Variants in SLC11A2 observed in about 807,000 individuals in gnomAD.
SLC11A2 encodes the protein solute carrier family 11 member 2.
SLC11A2 carries 38 observed loss-of-function variants against 68.0 expected under a neutral mutation model. The observed-to-expected ratio is 0.56, with a 90% CI of 0.43 to 0.73. The LOEUF is 0.73. SLC11A2 is among the 30% of genes least tolerant of loss of function. SLC11A2 has a pLI of 0.00. For synonymous variants in SLC11A2, 242 were observed against 250.6 expected (o/e 0.97, Z 0.32); for missense variants, 517 against 690.5 (o/e 0.75, Z 2.82).
chr12:50,968,876 G>A, the SLC11A2 span, among the ~76,000 whole-genome samples: 2 of 150,866 alleles, frequency 1.3e-5, no homozygotes, highest in East Asian at 2.0e-4. Flanking sequence ...AATGGGTCTC[G>A]CTATTTTGAC....
In SLC11A2 at chr12:51,004,868, G is replaced by C; in HGVS notation, c.349C>G (p.Leu117Val). The C allele has an allele frequency of 6.2e-7, 1 of 1,614,142 alleles. No homozygotes were observed. The highest frequency in any genetic ancestry group is 8.5e-7 in the Non-Finnish European group (1 of 1,179,970). ...ILLLATLVGL[L>V]LQRLAARLGV... The stretch of plus-strand genomic sequence containing the variant: ...AGTCTAGCTGCAAGCCGCTGGAGCA[G>C]CAGCCCCACAAGGGTGGCCAACAGA... Residue 117 changes from leucine (L) to valine (V), a missense_variant, in exon 5 of 16, where the codon CTG (leucine) becomes GTG (valine). Transcript: ENST00000262052.
In SLC11A2 at chr12:51,005,267, T is replaced by G. The variant is rs224589; in HGVS notation, c.309+44A>C. On this transcript the variant is annotated intron_variant, in intron 4 of 15. Transcript: ENST00000262052. ...CAGGGTGGAGAAAAGGATGTGAGAG[T>G]GTATTATGTGCTTAAAAGGACAGGG... is the stretch of plus-strand genomic sequence containing the variant. 0.75 allele frequency: 1,195,405 copies of G among 1,601,754 alleles called. 448,602 individuals carry two copies. Among genetic ancestry groups the G allele is most frequent in the East Asian group, 0.88 (39,184 of 44,736 alleles).
the SLC11A2 span, among the ~76,000 whole-genome samples, chr12:50,963,000 C>G: frequency 1.3e-5 from 2 of 149,074 alleles, no homozygotes; most frequent in Non-Finnish European, 3.0e-5. Flanking sequence ...GGTATTTGAA[C>G]TTATATAATT....
chr12:50,961,075 G>T, the SLC11A2 span: 1 of 1,613,866 alleles, frequency 6.2e-7, no homozygotes, highest in Non-Finnish European at 8.5e-7. Context: ...TGCTGCCCAA[G>T]GATTTGTTGT....
intron 10 of SLC11A2, 200 bp from the exon 11 acceptor site, chr12:50,994,830 CA>C (rs1941547913): frequency 3.5e-6 from 2 of 579,062 alleles, no homozygotes; most frequent in Non-Finnish European, 6.2e-6. Context: ...CACAGGTCAT[CA>C]AAAATCTTTA....
chr12:50,960,874 C>A, the SLC11A2 span: 2 of 1,051,364 alleles, frequency 1.9e-6, no homozygotes, highest in Non-Finnish European at 2.7e-6. Flanking sequence ...GAGATGGGGT[C>A]TTGCTATGTT....
At chr12:50,963,528 T>TGAAATATA in the SLC11A2 span, among the ~76,000 whole-genome samples, 1 of 150,760 alleles carries the variant, frequency 6.6e-6, no homozygotes, top group Non-Finnish European at 1.5e-5. Context: ...CTGACGGAGG[T>TGAAATATA]GAAATATAGA....
rs774980110 is a variant in SLC11A2 at position 50,987,353 on chromosome 12, G to A, written c.*972C>T. 24 of 1,287,042 alleles carry A rather than the reference G, an allele frequency of 1.9e-5. No homozygotes were observed. The highest frequency in any genetic ancestry group is 4.6e-5 in the Admixed American group (2 of 43,526). 79.7% of individuals were successfully genotyped at this position (1,287,042 alleles called of 1,614,324 possible). The stretch of plus-strand genomic sequence containing the variant: ...AGTCATCTTGGGCATGAAGCAGAGC[G>A]GTGCATCAGAAAAACATGACGATTC... On this transcript the variant is annotated 3_prime_UTR_variant, in exon 16 of 16. Coordinates refer to ENST00000262052, the MANE Select transcript of SLC11A2 (RefSeq NM_000617.3).
intron 5 of SLC11A2, among the ~76,000 whole-genome samples, chr12:51,003,697 G>A (rs932265624): frequency 6.6e-6 from 1 of 150,742 alleles, no homozygotes; most frequent in South Asian, 2.1e-4. Flanking sequence ...AGAAGCTGTG[G>A]TGGGAGGACT....
Position 50,986,558 on chromosome 12 carries a change from C to G in SLC11A2, c.*1767G>C, listed in dbSNP as rs1379530493. The G allele has an allele frequency of 7.8e-7, 1 of 1,287,032 alleles. No individual in the cohort carries two copies. The highest frequency in any genetic ancestry group is 1.2e-5 in the South Asian group (1 of 80,872). 79.7% of individuals were successfully genotyped at this position (1,287,032 alleles called of 1,614,324 possible). A position where few individuals can be genotyped will look rare whatever the true frequency, so the allele number is the denominator to read the frequency against. ...AGGGCAAAGATACATGTTACCATATCATCTTTATAAAGAATTTTTTTTTTG... is the reference window on the plus strand; with the variant it reads ...AGGGCAAAGATACATGTTACCATATGATCTTTATAAAGAATTTTTTTTTTG... On this transcript the variant is annotated 3_prime_UTR_variant, in exon 16 of 16. Transcript: ENST00000262052.
In SLC11A2 at chr12:50,986,350, A is replaced by AT. The variant is rs1940551601; in HGVS notation, c.*1974dup. The AT allele has an allele frequency of 2.3e-6, 3 of 1,281,772 alleles. No individual in the cohort carries two copies. In the African/African-American group the frequency reaches 4.6e-5, roughly 20 times the overall value. 79.4% of individuals were successfully genotyped at this position (1,281,772 alleles called of 1,614,324 possible). ...GCACTTTCTGTGAAGATCAAATGCA[A>AT]TAACGTATGAGGGTATTTTTAACAC... On this transcript the variant is annotated 3_prime_UTR_variant, in exon 16 of 16. Coordinates refer to ENST00000262052, the MANE Select transcript of SLC11A2 (RefSeq NM_000617.3).
intron 1 of SLC11A2, among the ~76,000 whole-genome samples, chr12:51,013,436 G>A (rs1230388642): frequency 1.3e-5 from 2 of 151,200 alleles, no homozygotes; most frequent in East Asian, 1.9e-4. Flanking sequence ...GATTACAGGC[G>A]CCCACCACCG....
chr12:51,006,584 T>G (rs1309181713), intron 3 of SLC11A2, among the ~76,000 whole-genome samples: 1 of 152,000 alleles, frequency 6.6e-6, no homozygotes, highest in African/African-American at 2.4e-5. Context: ...TAACTAGGAG[T>G]CCGGTACCTT....
chr12:50,958,524 G>A, the SLC11A2 span, among the ~76,000 whole-genome samples: 3 of 151,208 alleles, frequency 2.0e-5, no homozygotes, highest in South Asian at 2.1e-4. Flanking sequence ...CTCGTGATCC[G>A]CCCGCCTCGG....
At chr12:50,992,464 C>T (rs1941248149) in intron 12 of SLC11A2, 125 bp from the exon 13 acceptor site, 1 of 875,834 alleles carries the variant, frequency 1.1e-6, no homozygotes, top group Non-Finnish European at 1.8e-6. Flanking sequence ...GGCGCAGTGG[C>T]TCACGCCTGT....
chr12:51,000,257 T>C, intron 6 of SLC11A2, 56 bp downstream of exon 6: 1 of 1,288,494 alleles, frequency 7.8e-7, no homozygotes, highest in Middle Eastern at 1.8e-4. Flanking sequence ...TTTGTTTTTA[T>C]CTCTGCTTGG....
In SLC11A2 at chr12:51,002,646, A is replaced by AAAAAAAAAAAAG. The variant is rs1467719756; in HGVS notation, c.429+2141_429+2142insCTTTTTTTTTTT. Among the ~76,000 whole-genome samples, 12 of 150,020 alleles carry AAAAAAAAAAAAG rather than the reference A, an allele frequency of 8.0e-5. 1 individual carries two copies. The highest frequency in any genetic ancestry group is 1.6e-4 in the Non-Finnish European group (11 of 67,338). On this transcript the variant is annotated intron_variant, in intron 5 of 15. Transcript: ENST00000262052. The stretch of plus-strand genomic sequence containing the variant: ...AAAGCGAGACTTGGTCTCAAAAAAA[A>AAAAAAAAAAAAG]AAAAAAAGGGCAGAGCCAGGCGCAG...
downstream of SLC11A2, among the ~76,000 whole-genome samples, chr12:50,982,486 G>C (rs916987608): frequency 1.3e-5 from 2 of 152,128 alleles, no homozygotes; most frequent in African/African-American, 2.4e-5. Context: ...AATTAGCTGG[G>C]TGTGGTGGCA....
chr12:50,986,267 A>T lies in SLC11A2; in HGVS notation c.*2058T>A, dbSNP rs764636192. ...TGTCAAAACTCACTGGATATGCTGG[A>T]ATTGGAGGACTTAAATTTCTACATA... On this transcript the variant is annotated 3_prime_UTR_variant, in exon 16 of 16. Transcript: ENST00000262052. 2.1e-4 allele frequency: 265 copies of T among 1,285,938 alleles called. 1 individual carries two copies. The highest frequency in any genetic ancestry group is 2.7e-4 in the Non-Finnish European group (262 of 987,604). 79.7% of individuals were successfully genotyped at this position (1,285,938 alleles called of 1,614,324 possible).
Sources: allele counts gnomAD v4.1 joint callset (sites outside exome capture counted in the v4.1 genomes callset), GRCh38; gene constraint gnomAD v4.1.1; transcripts MANE v1.5; gene names NCBI Gene and HGNC (gene_info 2026-07-23, HGNC 2026-07-21).